ERBIN: variants seen among roughly 807,000 people sequenced by gnomAD.
ERBIN encodes the protein densin-180-like protein.
In ERBIN, 60 loss-of-function variants were observed where a neutral mutation model predicts 158.4. The observed-to-expected ratio is 0.38, with a 90% CI of 0.31 to 0.47. ERBIN has a LOEUF of 0.47. Among genes scored for constraint, ERBIN ranks in the 20% least tolerant of loss-of-function variants. The probability of loss-of-function intolerance (pLI) is 0.99; values close to 1 mark genes in which losing one functional copy is unlikely to be tolerated. For synonymous variants in ERBIN, 594 were observed against 557.2 expected, an observed-to-expected ratio of 1.07 and a Z score of -0.93; for missense variants, 1,610 against 1,648.0, an observed-to-expected ratio of 0.98 and a Z score of 0.40.
chr5:66,064,904 T>C (rs939552119), intron 21 of ERBIN, among the ~76,000 whole-genome samples: 107 of 152,306 alleles, frequency 7.0e-4, no homozygotes, highest in African/African-American at 2.6e-3. Flanking sequence ...CTCACTATGT[T>C]GCCCAGGCTG....
intron 2 of ERBIN, among the ~76,000 whole-genome samples, chr5:65,990,209 G>A (rs1283482470): frequency 2.6e-5 from 4 of 152,152 alleles, no homozygotes; most frequent in African/African-American, 9.7e-5. Flanking sequence ...CTTCCTTCAA[G>A]TATGCATTAT....
chr5:66,046,247 A>G, intron 17 of ERBIN, 106 bp from the exon 18 acceptor site: 1 of 559,970 alleles, frequency 1.8e-6, no homozygotes, highest in Non-Finnish European at 2.9e-6. Context: ...GTTTGAGATT[A>G]GTCCAGAATT....
At chr5:66,045,218 C>G (rs1758310660) in intron 17 of ERBIN, among the ~76,000 whole-genome samples, 1 of 151,236 alleles carries the variant, frequency 6.6e-6, no homozygotes, top group Admixed American at 6.6e-5. Flanking sequence ...GACCCTGTCT[C>G]AAAAAAAGAA....
chr5:66,037,511 A>G (rs981637076), intron 14 of ERBIN, among the ~76,000 whole-genome samples: 23 of 152,240 alleles, frequency 1.5e-4, no homozygotes, highest in Non-Finnish European at 3.4e-4. Flanking sequence ...AGTTAAGGAA[A>G]TTGTTCAGGA....
chr5:65,931,086 C>G (rs1743318879), intron 1 of ERBIN, among the ~76,000 whole-genome samples: 1 of 152,134 alleles, frequency 6.6e-6, no homozygotes, highest in South Asian at 2.1e-4. Context: ...TAAGACTCTA[C>G]TTATCTGGAG....
intron 4 of ERBIN, among the ~76,000 whole-genome samples, chr5:65,997,580 T>C (rs1752569636): frequency 6.6e-6 from 1 of 152,100 alleles, no homozygotes; most frequent in African/African-American, 2.4e-5. Context: ...AAAGAAAGAA[T>C]CACATGAGGA....
rs1452372002 is a variant in ERBIN at position 66,054,751 on chromosome 5, G to A, written c.3433G>A (p.Ala1145Thr). Residue 1145 changes from alanine (A) to threonine (T), a missense_variant, in exon 21 of 26, where the codon GCT becomes ACT. Coordinates refer to ENST00000284037, the MANE Select transcript of ERBIN (RefSeq NM_001253697.2). Reference protein sequence around the residue: ...DGPNASRPQSARPSINEIPER... With the variant: ...DGPNASRPQSTRPSINEIPER... ...TCCAAATGCATCAAGACCTCAGAGT[G>A]CTCGACCCTCTATTAATGAAATACC... is the stretch of plus-strand genomic sequence containing the variant. 1.9e-6 allele frequency: 3 copies of A among 1,613,978 alleles called. No individual in the cohort carries two copies. The highest frequency in any genetic ancestry group is 2.5e-6 in the Non-Finnish European group (3 of 1,180,006).
intron 17 of ERBIN, among the ~76,000 whole-genome samples, chr5:66,045,533 C>T (rs1758348835): frequency 6.7e-6 from 1 of 149,574 alleles, no homozygotes. Context: ...TGTGTAAGTA[C>T]ACTCTGTGAT....
intron 1 of ERBIN, among the ~76,000 whole-genome samples, chr5:65,964,654 G>GC (rs1487720201): frequency 1.3e-5 from 2 of 151,824 alleles, no homozygotes; most frequent in Non-Finnish European, 2.9e-5. Flanking sequence ...CATATCCTGT[G>GC]CAGAAGCATT....
At chr5:66,059,025 T>C (rs927313265) in intron 21 of ERBIN, among the ~76,000 whole-genome samples, 3 of 152,188 alleles carry the variant, frequency 2.0e-5, no homozygotes, top group African/African-American at 7.2e-5. Flanking sequence ...TGCAGGCTCT[T>C]TTTTGGTTCC....
rs779877806 is a variant in ERBIN at position 66,053,801 on chromosome 5, A to G, written c.2483A>G (p.Glu828Gly). Residue 828 changes from glutamate to glycine, a missense_variant, in exon 21 of 26, where the codon GAA becomes GGA. By Grantham distance (98) the Glu-to-Gly change is moderately conservative. Coordinates refer to ENST00000284037, the MANE Select transcript of ERBIN (RefSeq NM_001253697.2). The stretch of plus-strand genomic sequence containing the variant: ...AATAAGGTAAATGGACATTCTGAGG[A>G]AACTTCCCAGTCTCCTAATAGGACT... Reference protein sequence around the residue: ...SVNKVNGHSEETSQSPNRTEP... With the variant: ...SVNKVNGHSEGTSQSPNRTEP... The G allele has an allele frequency of 6.2e-7, 1 of 1,613,974 alleles. No individual in the cohort carries two copies. Among genetic ancestry groups the G allele is most frequent in the South Asian group, 1.1e-5 (1 of 91,082 alleles).
chr5:66,056,359 G>T (rs1426469399), intron 21 of ERBIN, among the ~76,000 whole-genome samples: 1 of 152,096 alleles, frequency 6.6e-6, no homozygotes, highest in Non-Finnish European at 1.5e-5. Context: ...GAATGTCTTT[G>T]GCTATTAGTG....
At chr5:66,071,254 A>G (rs1761501508) in intron 21 of ERBIN, among the ~76,000 whole-genome samples, 1 of 152,120 alleles carries the variant, frequency 6.6e-6, no homozygotes, top group African/African-American at 2.4e-5. Flanking sequence ...CTGTTATCCC[A>G]GCTACTCAGA....
At chr5:65,960,150 G>A (rs1386485106) in intron 1 of ERBIN, among the ~76,000 whole-genome samples, 1 of 152,202 alleles carries the variant, frequency 6.6e-6, no homozygotes, top group East Asian at 1.9e-4. Context: ...ATACTGCTCC[G>A]CAGTCAAAAA....
At chr5:66,058,414 C>G (rs1387219466) in intron 21 of ERBIN, among the ~76,000 whole-genome samples, 2 of 151,844 alleles carry the variant, frequency 1.3e-5, no homozygotes, top group African/African-American at 4.9e-5. Flanking sequence ...TGTTTGAGTT[C>G]ATTGTAGATT....
intron 14 of ERBIN, among the ~76,000 whole-genome samples, chr5:66,037,644 A>C (rs751676331): frequency 6.6e-6 from 1 of 152,178 alleles, no homozygotes; most frequent in Non-Finnish European, 1.5e-5. Flanking sequence ...CAAAGAATTA[A>C]GTAATAGGGT....
At chr5:66,018,567 T>TTA (rs370551332) in intron 7 of ERBIN, among the ~76,000 whole-genome samples, 2,296 of 9,916 alleles carry the variant, frequency 0.23, 906 homozygotes, top group Non-Finnish European at 0.48. Context: ...ATAATATATA[T>TTA]TATATTATAT....
At chr5:66,038,951 G>GT (rs1561410280) in intron 15 of ERBIN, among the ~76,000 whole-genome samples, 2 of 151,792 alleles carry the variant, frequency 1.3e-5, no homozygotes, top group Non-Finnish European at 2.9e-5. Context: ...GGGCACAGAT[G>GT]TTTTTATAGA....
In ERBIN at chr5:66,007,034, A is replaced by T. The variant is rs181694727; in HGVS notation, c.308-5015A>T. Among the ~76,000 whole-genome samples, 89 of 149,890 alleles carry T rather than the reference A, an allele frequency of 5.9e-4. 1 individual carries two copies. The East Asian group carries it at 0.017, about 29-fold the overall frequency. On this transcript the variant is annotated intron_variant, in intron 4 of 25. Transcript: ENST00000284037. The stretch of plus-strand genomic sequence containing the variant: ...TACCATTTGACCCAGCAATCCCATT[A>T]CTGGGTATATACCCAAAGGATGATA...
Sources: allele counts gnomAD v4.1 joint callset (sites outside exome capture counted in the v4.1 genomes callset), GRCh38; gene constraint gnomAD v4.1.1; transcripts MANE v1.5; gene names NCBI Gene and HGNC (gene_info 2026-07-23, HGNC 2026-07-21).